The following TCTN3 variants were observed in gnomAD, a reference collection of about 807,000 sequenced individuals.
TCTN3 encodes tectonic family member 3, also known as tectonic-3.
Under a neutral mutation model 71.3 loss-of-function variants are expected in TCTN3, and 57 were observed. That is an observed-to-expected ratio of 0.80 (90% CI 0.65 to 1.00). TCTN3 has a LOEUF of 1.00. TCTN3 is among the 50% of genes least tolerant of loss of function. The pLI is 0.00. For missense variants in TCTN3, 696 were observed against 719.9 expected (o/e 0.97, Z 0.38); for synonymous variants, 258 against 267.8 (o/e 0.96, Z 0.36).
At chr10:95,678,901 G>A (rs2097940100) in intron 13 of TCTN3, among the ~76,000 whole-genome samples, 1 of 152,132 alleles carries the variant, frequency 6.6e-6, no homozygotes, top group Admixed American at 6.6e-5. Context: ...AGCCCATAAA[G>A]TGAAAATTTT....
intron 3 of TCTN3, among the ~76,000 whole-genome samples, chr10:95,689,873 A>G (rs2097951988): frequency 6.6e-6 from 1 of 152,238 alleles, no homozygotes; most frequent in Non-Finnish European, 1.5e-5. Flanking sequence ...CAGCTTGCAG[A>G]GCCAAGAGTA....
At chr10:95,678,363 C>T (rs1046175972) in intron 13 of TCTN3, among the ~76,000 whole-genome samples, 80 of 151,840 alleles carry the variant, frequency 5.3e-4, no homozygotes, top group African/African-American at 1.9e-3. Flanking sequence ...GAAACTCCGT[C>T]TTTACTAAAA....
chr10:95,669,074 A>G (rs1042676301), intron 13 of TCTN3, among the ~76,000 whole-genome samples: 1 of 152,252 alleles, frequency 6.6e-6, no homozygotes, highest in Non-Finnish European at 1.5e-5. Flanking sequence ...CATAAACATC[A>G]TGATGAAACA....
At chr10:95,671,839 G>A (rs527617372) in intron 13 of TCTN3, among the ~76,000 whole-genome samples, 73 of 152,134 alleles carry the variant, frequency 4.8e-4, no homozygotes, top group African/African-American at 1.6e-3. Flanking sequence ...CAGGTGATCC[G>A]CCCGCCTTGG....
Position 95,693,470 on chromosome 10 carries a change from G to C in TCTN3, c.263C>G (p.Pro88Arg), listed in dbSNP as rs1449047479. 1 of 1,552,176 alleles carries C rather than the reference G, an allele frequency of 6.4e-7. No individual in the cohort carries two copies. Among genetic ancestry groups the C allele is most frequent in the East Asian group, 2.4e-5 (1 of 40,928 alleles). The change falls in exon 2 of 14, where the codon CCG (proline) becomes CGG (arginine). Residue 88 changes from proline to arginine, a missense_variant. Coordinates refer to ENST00000371217, the MANE Select transcript of TCTN3 (RefSeq NM_015631.6). ...AGGAGTCAAGTCACAGACACAGATC[G>C]GTAAGACTATGAAAGTACGACACAG... is the stretch of plus-strand genomic sequence containing the variant. ...NRTVDLFPVL[P>R]ICVCDLTPGA...
In TCTN3 at chr10:95,680,614, A is replaced by T; in HGVS notation, c.1453-5T>A. 6.2e-7 allele frequency: 1 copy of T among 1,611,712 alleles called. No individual in the cohort carries two copies. The highest frequency in any genetic ancestry group is 8.5e-7 in the Non-Finnish European group (1 of 1,179,130). On this transcript the variant is annotated splice_polypyrimidine_tract_variant and splice_region_variant and intron_variant, in intron 12 of 13. Transcript: ENST00000371217. ...GCAGGAAGTACAGTTTATAGCCTGC[A>T]GAAGGGTAAAGAAGCATCTGCTTGA...
intron 12 of TCTN3, among the ~76,000 whole-genome samples, 193 bp downstream of exon 12, chr10:95,682,458 C>T (rs1314374184): frequency 2.0e-5 from 3 of 151,710 alleles, no homozygotes; most frequent in Non-Finnish European, 4.4e-5. Context: ...CATGCCACCA[C>T]ACTCGAGCCA....
Position 95,664,295 on chromosome 10 carries a change from A to G in TCTN3, c.1596T>C (p.Ser532=), listed in dbSNP as rs781164369. The G allele has an allele frequency of 3.7e-6, 6 of 1,613,818 alleles. No individual in the cohort carries two copies. Among genetic ancestry groups the G allele is most frequent in the African/African-American group, 1.3e-5 (1 of 74,936 alleles). Residue 532 remains serine, a synonymous_variant, in exon 14 of 14, where the codon TCT becomes TCC. Coordinates refer to ENST00000371217, the MANE Select transcript of TCTN3 (RefSeq NM_015631.6). The part of the protein sequence containing the change: ...FLYQCQSIQD[S]QQVTEVSLTT... ...TCAAAGATACTTCTGTAACTTGCTG[A>G]GAATCCTACGGGAAGAAAGTCAATG...
chr10:95,673,679 C>CAAA (rs1023992805), intron 13 of TCTN3, among the ~76,000 whole-genome samples: 25 of 151,990 alleles, frequency 1.6e-4, no homozygotes, highest in Non-Finnish European at 3.1e-4. Context: ...TTCATCTCAA[C>CAAA]AAAATATTAA....
chr10:95,687,790 T>C, intron 3 of TCTN3, 71 bp from the exon 4 acceptor site: 1 of 1,539,524 alleles, frequency 6.5e-7, no homozygotes, highest in Non-Finnish European at 8.8e-7. Context: ...TTTTAAAAAA[T>C]ATTTTTATTG....
chr10:95,688,671 C>G (rs2097950908), intron 3 of TCTN3, among the ~76,000 whole-genome samples: 1 of 152,264 alleles, frequency 6.6e-6, no homozygotes, highest in Admixed American at 6.5e-5. Flanking sequence ...ATTCCTTAAG[C>G]CTTATAATTC....
At chr10:95,679,752 C>T (rs959042799) in intron 13 of TCTN3, among the ~76,000 whole-genome samples, 3 of 151,472 alleles carry the variant, frequency 2.0e-5, no homozygotes, top group Admixed American at 6.6e-5. Flanking sequence ...CCACTACGCC[C>T]GGCTATTTTT....
At chr10:95,684,450 A>T (rs754939482) in intron 9 of TCTN3, 49 bp downstream of exon 9, 22 of 1,587,704 alleles carry the variant, frequency 1.4e-5, no homozygotes, top group Admixed American at 1.9e-5. Flanking sequence ...ATTATTTCTA[A>T]CCCAATATTT....
At chr10:95,683,323 C>T (rs368266359) in intron 10 of TCTN3, 128 bp from the exon 11 acceptor site, 7 of 1,497,176 alleles carry the variant, frequency 4.7e-6, no homozygotes, top group East Asian at 4.8e-5. Context: ...GTTCGAGTCA[C>T]AAATTTGTGA....
intron 13 of TCTN3, among the ~76,000 whole-genome samples, chr10:95,674,253 T>C (rs1010702932): frequency 2.6e-5 from 4 of 152,186 alleles, no homozygotes; most frequent in Admixed American, 2.0e-4. Context: ...CTTGCATCTT[T>C]TTGCTAAATT....
chr10:95,686,972 C>T, intron 6 of TCTN3, 72 bp downstream of exon 6: 1 of 1,347,580 alleles, frequency 7.4e-7, no homozygotes, highest in Non-Finnish European at 1.1e-6. Flanking sequence ...CTTTCCACAA[C>T]CCACAACAGT....
At chr10:95,671,961 CAATAA>C (rs1250637435) in intron 13 of TCTN3, among the ~76,000 whole-genome samples, 1 of 152,000 alleles carries the variant, frequency 6.6e-6, no homozygotes, top group Non-Finnish European at 1.5e-5. Flanking sequence ...AATTTATAAA[CAATAA>C]AATATATACA....
chr10:95,684,648 A>G lies in TCTN3; in HGVS notation c.970-24T>C, dbSNP rs2097946573. On this transcript the variant is annotated intron_variant, in intron 8 of 13. Coordinates refer to ENST00000371217, the MANE Select transcript of TCTN3 (RefSeq NM_015631.6). ...ACCTGAAATGCAAAAAGAATCAATT[A>G]ATAAAAAGTAGTTATTGGGCCGAAT... is the stretch of plus-strand genomic sequence containing the variant. 4.3e-6 allele frequency: 7 copies of G among 1,611,538 alleles called. No homozygotes were observed. The East Asian group carries it at 1.6e-4, about 36-fold the overall frequency.
intron 8 of TCTN3, 145 bp from the exon 9 acceptor site, chr10:95,684,769 C>T (rs2097946655): frequency 1.2e-6 from 1 of 829,854 alleles, no homozygotes; most frequent in Non-Finnish European, 1.8e-6. Flanking sequence ...AACACAAATA[C>T]TATGAAAGAT....
Sources: gnomAD v4.1 joint callset for allele counts (sites outside exome capture counted in the v4.1 genomes callset) on GRCh38, gnomAD v4.1.1 for gene constraint, MANE v1.5 for transcripts, NCBI Gene and HGNC (gene_info 2026-07-23, HGNC 2026-07-21) for gene names.